The following VPS13A variants were observed in gnomAD, a reference collection of about 807,000 sequenced individuals.
VPS13A encodes intermembrane lipid transfer protein VPS13A.
Under a neutral mutation model 390.9 loss-of-function variants are expected in VPS13A, and 264 were observed. The ratio of observed to expected loss-of-function variants is 0.68; its 90% CI spans 0.61 to 0.75. VPS13A has a LOEUF of 0.75. VPS13A is among the 30% of genes least tolerant of loss of function. The pLI, the probability that VPS13A is intolerant of heterozygous loss-of-function variation, is 0.00. For missense variants in VPS13A, 3,409 were observed against 3,733.9 expected, an observed-to-expected ratio of 0.91 and a Z score of 2.27; for synonymous variants, 1,231 against 1,227.1, an observed-to-expected ratio of 1.00 and a Z score of -0.07.
At chr9:77,198,953 G>A (rs947368261) in intron 1 of VPS13A, among the ~76,000 whole-genome samples, 2 of 152,018 alleles carry the variant, frequency 1.3e-5, no homozygotes, top group African/African-American at 2.4e-5. Flanking sequence ...GTGAACCACC[G>A]CTCCCGGCTG....
intron 31 of VPS13A, among the ~76,000 whole-genome samples, chr9:77,287,450 C>T (rs555572954): frequency 2.0e-5 from 3 of 152,130 alleles, no homozygotes; most frequent in South Asian, 4.1e-4. Flanking sequence ...GCCTCGGTCT[C>T]CCAAAGTGCT....
Position 77,403,281 on chromosome 9 carries a change from G to A in VPS13A, c.9235G>A (p.Val3079Ile). ...TGCAAAATACAAATATTTTACCCAT[G>A]TCATGATCAATAAGACAGATATGCT... ...RFAKYKYFTH[V>I]MINKTDMLMI... The change falls in exon 69 of 72, where the codon GTC becomes ATC. Residue 3079 changes from valine to isoleucine, a missense_variant. By Grantham distance (29) the Val-to-Ile change is conservative (BLOSUM62 3). Coordinates refer to ENST00000360280, the MANE Select transcript of VPS13A (RefSeq NM_033305.3). 1.9e-6 allele frequency: 3 copies of A among 1,612,352 alleles called. No individual in the cohort carries two copies. The highest frequency in any genetic ancestry group is 2.5e-6 in the Non-Finnish European group (3 of 1,179,660).
intron 34 of VPS13A, among the ~76,000 whole-genome samples, chr9:77,303,789 T>C (rs536607728): frequency 2.0e-5 from 3 of 152,204 alleles, no homozygotes; most frequent in East Asian, 3.9e-4. Context: ...AACATCTCAG[T>C]GGAGTAAAGA....
chr9:77,299,901 G>T (rs1357591269), intron 33 of VPS13A, among the ~76,000 whole-genome samples: 1 of 152,010 alleles, frequency 6.6e-6, no homozygotes, highest in East Asian at 1.9e-4. Flanking sequence ...CACAGGAGGG[G>T]GAACATCACA....
chr9:77,303,783 T>C lies in VPS13A; in HGVS notation c.3960+721T>C, dbSNP rs547909638. Among the ~76,000 whole-genome samples the C allele has an allele frequency of 2.0e-5, 3 of 152,206 alleles. No homozygotes were observed. The East Asian group carries it at 5.8e-4, about 29-fold the overall frequency. ...ATTTATGTTTCTCTCCACCCAAACATCTCAGTGGAGTAAAGAATAACAAAG... is the reference window on the plus strand; with the variant it reads ...ATTTATGTTTCTCTCCACCCAAACACCTCAGTGGAGTAAAGAATAACAAAG... On this transcript the variant is annotated intron_variant, in intron 34 of 71. Coordinates refer to ENST00000360280, the MANE Select transcript of VPS13A (RefSeq NM_033305.3).
At chr9:77,207,590 AGTTAACCTCCCT>A (rs1432933112) in intron 5 of VPS13A, among the ~76,000 whole-genome samples, 1 of 151,922 alleles carries the variant, frequency 6.6e-6, no homozygotes, top group Non-Finnish European at 1.5e-5. Flanking sequence ...GTAGGCTTTT[AGTTAACCTCCCT>A]GTTCTCCCAT....
chr9:77,239,750 T>C (rs1824360342), intron 19 of VPS13A, among the ~76,000 whole-genome samples: 1 of 152,048 alleles, frequency 6.6e-6, no homozygotes, highest in Non-Finnish European at 1.5e-5. Context: ...TCCTATTTTG[T>C]GCTTTTGAAT....
chr9:77,326,868 T>G (rs1410982081), intron 45 of VPS13A, among the ~76,000 whole-genome samples: 1 of 152,170 alleles, frequency 6.6e-6, no homozygotes, highest in African/African-American at 2.4e-5. Context: ...TCTACACATG[T>G]CCTGATCATT....
chr9:77,326,700 G>A (rs180726815), intron 45 of VPS13A, among the ~76,000 whole-genome samples: 1 of 151,936 alleles, frequency 6.6e-6, no homozygotes, highest in African/African-American at 2.4e-5. Flanking sequence ...GTCATTTCTG[G>A]TTTGTTTTAT....
At chr9:77,344,811 C>T (rs1474386839) in intron 51 of VPS13A, among the ~76,000 whole-genome samples, 198 bp from the exon 52 acceptor site, 1 of 151,760 alleles carries the variant, frequency 6.6e-6, no homozygotes, top group Non-Finnish European at 1.5e-5. Flanking sequence ...GAATATACCA[C>T]ATCTGGAATG....
At chr9:77,367,914 A>G in intron 61 of VPS13A, 141 bp from the exon 62 acceptor site, 2 of 765,612 alleles carry the variant, frequency 2.6e-6, no homozygotes, top group South Asian at 1.6e-5. Context: ...GTAAAAAGTA[A>G]ATTTCCTGAT....
At chr9:77,380,914 A>C (rs1833393615) in intron 67 of VPS13A, among the ~76,000 whole-genome samples, 1 of 152,228 alleles carries the variant, frequency 6.6e-6, no homozygotes, top group Non-Finnish European at 1.5e-5. Flanking sequence ...GAGCTCAGGC[A>C]GTGAAACTTG....
chr9:77,371,184 T>C (rs781691125), intron 67 of VPS13A, 35 bp downstream of exon 67: 1 of 1,613,124 alleles, frequency 6.2e-7, no homozygotes, highest in Non-Finnish European at 8.5e-7. Flanking sequence ...TGAGTTAAAA[T>C]GCTGAAGCCA....
Position 77,344,144 on chromosome 9 carries a change from A to G in VPS13A, c.7027-9A>G, listed in dbSNP as rs1831001629. 3.2e-6 allele frequency: 5 copies of G among 1,573,660 alleles called. No homozygotes were observed. The highest frequency in any genetic ancestry group is 1.7e-5 in the Admixed American group (1 of 59,892). On this transcript the variant is annotated splice_polypyrimidine_tract_variant and intron_variant, in intron 50 of 71. Coordinates refer to ENST00000360280, the MANE Select transcript of VPS13A (RefSeq NM_033305.3). ...TTATTTTTATAAACATATATAATGT[A>G]TATTTTAGTGTATCCCCTTTTGGCC...
At chr9:77,350,311 GTAT>G (rs1209224403) in intron 52 of VPS13A, among the ~76,000 whole-genome samples, 1 of 152,006 alleles carries the variant, frequency 6.6e-6, no homozygotes, top group Non-Finnish European at 1.5e-5. Context: ...GGCCCTTTTG[GTAT>G]TTGCATTGAT....
At chr9:77,344,945 T>G (rs779469090) in intron 51 of VPS13A, 64 bp from the exon 52 acceptor site, 5 of 1,547,190 alleles carry the variant, frequency 3.2e-6, no homozygotes, top group Non-Finnish European at 4.4e-6. Flanking sequence ...TGTTCTTAAA[T>G]GTTATTAGTT....
At chr9:77,358,743 G>A (rs1393340851) in intron 57 of VPS13A, among the ~76,000 whole-genome samples, 1 of 152,178 alleles carries the variant, frequency 6.6e-6, no homozygotes, top group East Asian at 1.9e-4. Flanking sequence ...TGAACAATAA[G>A]GAAGTTCAAA....
rs1423448427 is a variant in VPS13A, at chr9:77,414,764, T to TAATAATAATAATAATAAA, written c.9475-1187_9475-1186insTAATAATAATAAAAATAA. On this transcript the variant is annotated intron_variant, in intron 71 of 71. Coordinates refer to ENST00000360280, the MANE Select transcript of VPS13A (RefSeq NM_033305.3). Reference sequence around the variant, plus strand: ...TTAATAATAATAATAATAATAATAATAATAAAAACTTAGAGTAAGAGGACA... The same window carrying TAATAATAATAATAATAAA: ...TTAATAATAATAATAATAATAATAATAATAATAATAATAATAAAAATAAAAACTTAGAGTAAGAGGACA... Among the ~76,000 whole-genome samples the TAATAATAATAATAATAAA allele has an allele frequency of 2.2e-3, 324 of 146,812 alleles. 1 individual carries two copies. The highest frequency in any genetic ancestry group is 7.5e-3 in the African/African-American group (301 of 40,210).
chr9:77,415,522 G>C (rs927801448), intron 71 of VPS13A, among the ~76,000 whole-genome samples: 9 of 152,130 alleles, frequency 5.9e-5, no homozygotes, highest in African/African-American at 1.9e-4. Flanking sequence ...TTTTAGAATA[G>C]AAAATATATT....
Sources: allele counts gnomAD v4.1 joint callset (sites outside exome capture counted in the v4.1 genomes callset), GRCh38; gene constraint gnomAD v4.1.1; transcripts MANE v1.5; gene names NCBI Gene and HGNC (gene_info 2026-07-23, HGNC 2026-07-21).